PAN3: variants seen among roughly 807,000 people sequenced by gnomAD.
PAN3 encodes poly(A) specific ribonuclease subunit PAN3.
Under a neutral mutation model 96.2 loss-of-function variants are expected in PAN3, and 19 were observed. That is an observed-to-expected ratio of 0.20 (90% confidence interval 0.14 to 0.29). PAN3 has a LOEUF of 0.29. Among genes scored for constraint, PAN3 ranks in the 10% least tolerant of loss-of-function variants. The probability of loss-of-function intolerance (pLI) is 1.00; values close to 1 mark genes in which losing one functional copy is unlikely to be tolerated. For synonymous variants in PAN3, 433 were observed against 406.6 expected, an observed-to-expected ratio of 1.06 and a Z score of -0.78; for missense variants, 882 against 1,108.1, an observed-to-expected ratio of 0.80 and a Z score of 2.90.
chr13:28,246,937 GC>G (rs1429952975), intron 6 of PAN3, among the ~76,000 whole-genome samples: 1 of 152,100 alleles, frequency 6.6e-6, no homozygotes, highest in Admixed American at 6.5e-5. Flanking sequence ...TATAAACCCA[GC>G]AGTGGGATTG....
At position 28,147,372 on chromosome 13, in the gene PAN3, G is replaced by A. The variant is rs1211560203; in HGVS notation, c.430+8285G>A. Among the ~76,000 whole-genome samples, 9 of 152,084 alleles carry A rather than the reference G, an allele frequency of 5.9e-5. No individual in the cohort carries two copies. In the South Asian group the frequency reaches 6.2e-4, roughly 10 times the overall value. On this transcript the variant is annotated intron_variant, in intron 1 of 18. Transcript: ENST00000380958. ...GGATGAGTTTATTCAGGCATTAAACGCATTTTTGACATAACAGTACTGACT... is the reference window on the plus strand; with the variant it reads ...GGATGAGTTTATTCAGGCATTAAACACATTTTTGACATAACAGTACTGACT...
intron 4 of PAN3, among the ~76,000 whole-genome samples, chr13:28,185,048 C>G (rs1475741415): frequency 6.6e-6 from 1 of 152,130 alleles, no homozygotes; most frequent in East Asian, 1.9e-4. Flanking sequence ...AATCTCTGCT[C>G]TAATGAGTTA....
chr13:28,171,084 C>T (rs567506496), intron 1 of PAN3, among the ~76,000 whole-genome samples: 21 of 152,338 alleles, frequency 1.4e-4, no homozygotes, highest in Middle Eastern at 3.4e-3. Context: ...GTGTGAGCCA[C>T]CATGCCTGGC....
chr13:28,241,694 G>T (rs1883678377), intron 6 of PAN3, among the ~76,000 whole-genome samples: 1 of 152,194 alleles, frequency 6.6e-6, no homozygotes. Flanking sequence ...CAGTGTCTGT[G>T]TTTTGGGCTA....
chr13:28,154,972 C>T, intron 1 of PAN3, among the ~76,000 whole-genome samples: 1 of 151,780 alleles, frequency 6.6e-6, no homozygotes, highest in Non-Finnish European at 1.5e-5. Context: ...AGTCGCCCAC[C>T]ACCATGCCCG....
At chr13:28,168,942 C>T (rs577243647) in intron 1 of PAN3, among the ~76,000 whole-genome samples, 62 of 151,048 alleles carry the variant, frequency 4.1e-4, no homozygotes, top group African/African-American at 1.2e-3. Flanking sequence ...GGCATGAACC[C>T]GGGAGGTTGA....
In PAN3 at chr13:28,237,821, A is replaced by G. The variant is rs150303207; in HGVS notation, c.1000+17443A>G. Among the ~76,000 whole-genome samples the G allele has an allele frequency of 1.1e-3, 162 of 152,280 alleles. 2 individuals carry two copies. Among genetic ancestry groups the G allele is most frequent in the Middle Eastern group, 0.01 (3 of 294 alleles). ...GTTTCTCTGAGTACATGTGCATTTA[A>G]ACAAAGATTATTGCAGAGTCACTAC... On this transcript the variant is annotated intron_variant, in intron 6 of 18. Transcript: ENST00000380958.
At chr13:28,238,994 G>C (rs1883356267) in intron 6 of PAN3, among the ~76,000 whole-genome samples, 1 of 151,894 alleles carries the variant, frequency 6.6e-6, no homozygotes, top group Non-Finnish European at 1.5e-5. Context: ...TCAATCTTTT[G>C]ATTCAGAATA....
At chr13:28,196,595 T>C (rs1020469376) in intron 4 of PAN3, among the ~76,000 whole-genome samples, 5 of 151,968 alleles carry the variant, frequency 3.3e-5, no homozygotes, top group Admixed American at 1.3e-4. Context: ...TTGAATACTT[T>C]AGGGTGAATG....
chr13:28,215,610 G>C (rs1347771223), intron 5 of PAN3: 1 of 949,196 alleles, frequency 1.1e-6, no homozygotes, highest in Non-Finnish European at 1.6e-6. Flanking sequence ...CACAGCCCAT[G>C]TTGCATCCAG....
At chr13:28,284,679 C>T (rs1043400971) in intron 17 of PAN3, among the ~76,000 whole-genome samples, 1 of 152,158 alleles carries the variant, frequency 6.6e-6, no homozygotes, top group Non-Finnish European at 1.5e-5. Flanking sequence ...AATAGTCGAA[C>T]AATCTAGCTT....
intron 9 of PAN3, among the ~76,000 whole-genome samples, chr13:28,264,855 G>A (rs527536872): frequency 2.6e-5 from 4 of 152,324 alleles, no homozygotes; most frequent in African/African-American, 9.6e-5. Context: ...TTTTAACAAG[G>A]CTTTAGGTGA....
chr13:28,267,069 A>G, intron 10 of PAN3, 26 bp from the exon 11 acceptor site: 2 of 1,562,202 alleles, frequency 1.3e-6, no homozygotes, highest in Non-Finnish European at 1.7e-6. Context: ...ATTAGAGTTT[A>G]CTGGAGTAGA....
intron 18 of PAN3, among the ~76,000 whole-genome samples, chr13:28,288,675 C>T (rs1869289718): frequency 6.6e-6 from 1 of 152,200 alleles, no homozygotes; most frequent in Middle Eastern, 3.4e-3. Flanking sequence ...CTCCTTTATG[C>T]AATGTTTTAT....
chr13:28,194,259 A>T (rs80021629), intron 4 of PAN3, among the ~76,000 whole-genome samples: 2,907 of 151,728 alleles, frequency 0.019, 105 homozygotes, highest in African/African-American at 0.067. Context: ...ATTCAGATAT[A>T]TGACCTGGAA....
intron 12 of PAN3, among the ~76,000 whole-genome samples, chr13:28,268,535 A>C (rs1453302177): frequency 6.6e-6 from 1 of 152,180 alleles, no homozygotes; most frequent in East Asian, 1.9e-4. Flanking sequence ...CTTGAATTCT[A>C]ACAAATGTGT....
At chr13:28,235,154 A>T (rs1312145092) in intron 6 of PAN3, among the ~76,000 whole-genome samples, 1 of 151,964 alleles carries the variant, frequency 6.6e-6, no homozygotes, top group African/African-American at 2.4e-5. Flanking sequence ...CTTTTGATTC[A>T]TGTTCTCTGC....
In PAN3 at chr13:28,156,962, T is replaced by A. The variant is rs551036983; in HGVS notation, c.431-17310T>A. On this transcript the variant is annotated intron_variant, in intron 1 of 18. Transcript: ENST00000380958. ...GTGAGCTGAGATTGGGCCATGGTAC[T>A]CCAACCTGGGCAACAGAGTGAGACC... Among the ~76,000 whole-genome samples, 112 of 113,426 alleles carry A rather than the reference T, an allele frequency of 9.9e-4. 1 individual carries two copies. Among genetic ancestry groups the A allele is most frequent in the African/African-American group, 3.9e-3 (111 of 28,458 alleles). The allele number at this position is 113,426 out of a possible 152,430, so 74.4% of individuals were successfully genotyped here.
At chr13:28,197,632 G>A (rs1340804418) in intron 5 of PAN3, among the ~76,000 whole-genome samples, 2 of 151,882 alleles carry the variant, frequency 1.3e-5, no homozygotes, top group Admixed American at 6.6e-5. Context: ...GAGTGCAGTG[G>A]CACCATCTTA....
Sources: gnomAD v4.1 joint callset for allele counts (sites outside exome capture counted in the v4.1 genomes callset) on GRCh38, gnomAD v4.1.1 for gene constraint, MANE v1.5 for transcripts, NCBI Gene and HGNC (gene_info 2026-07-23, HGNC 2026-07-21) for gene names.